NTNG1: variants seen among roughly 807,000 people sequenced by gnomAD.
NTNG1 encodes netrin G1.
Under a neutral mutation model 54.0 loss-of-function variants are expected in NTNG1, and 16 were observed. The observed-to-expected ratio is 0.30, with a 90% confidence interval of 0.20 to 0.45. The LOEUF (loss-of-function observed/expected upper bound fraction) is 0.45, where lower values mean the gene tolerates loss of function less well. NTNG1 is among the 20% of genes least tolerant of loss of function. NTNG1 has a pLI of 1.00. For synonymous variants in NTNG1, 255 were observed against 263.1 expected, an observed-to-expected ratio of 0.97 and a Z score of 0.30; for missense variants, 530 against 678.7, an observed-to-expected ratio of 0.78 and a Z score of 2.43.
At chr1:107,237,653 G>C (rs1661503148) in intron 2 of NTNG1, among the ~76,000 whole-genome samples, 1 of 152,166 alleles carries the variant, frequency 6.6e-6, no homozygotes, top group African/African-American at 2.4e-5. Flanking sequence ...TTGGTGCCCT[G>C]TGTTCCAGCT....
intron 2 of NTNG1, among the ~76,000 whole-genome samples, chr1:107,266,079 ATCT>A (rs758797166): frequency 2.3e-4 from 35 of 152,196 alleles, no homozygotes; most frequent in Non-Finnish European, 3.8e-4. Context: ...TTAATTGCTT[ATCT>A]TCTTCTTTTT....
rs556335032 is a variant in NTNG1 at position 107,154,929 on chromosome 1, A to T, written c.246+6090A>T. Among the ~76,000 whole-genome samples the T allele has an allele frequency of 2.6e-5, 4 of 152,218 alleles. No individual in the cohort carries two copies. In the South Asian group the frequency reaches 8.3e-4, roughly 32 times the overall value. On this transcript the variant is annotated intron_variant, in intron 2 of 7. Coordinates refer to ENST00000370068, the MANE Select transcript of NTNG1 (RefSeq NM_001113226.3). ...AGATTTAACCGAATGCAGAGATGCA[A>T]CATTTTTAAAGGTGAAACATGAGAC...
chr1:107,172,500 T>A (rs575355214), intron 2 of NTNG1, among the ~76,000 whole-genome samples: 1 of 152,076 alleles, frequency 6.6e-6, no homozygotes, highest in African/African-American at 2.4e-5. Flanking sequence ...TTAGCAAAAA[T>A]CTTGGCAGTC....
intron 2 of NTNG1, among the ~76,000 whole-genome samples, chr1:107,200,028 T>A (rs1658620936): frequency 1.3e-5 from 2 of 151,858 alleles, no homozygotes; most frequent in African/African-American, 4.8e-5. Context: ...CTCAATTTGT[T>A]AGAAGTACTA....
chr1:107,363,567 A>C (rs971184946), intron 3 of NTNG1, among the ~76,000 whole-genome samples: 15 of 152,212 alleles, frequency 9.9e-5, no homozygotes, highest in African/African-American at 2.7e-4. Context: ...CCCAATAAAA[A>C]AACCTGCTAA....
chr1:107,149,527 T>G (rs999930413), intron 2 of NTNG1, among the ~76,000 whole-genome samples: 2 of 152,198 alleles, frequency 1.3e-5, no homozygotes, highest in Non-Finnish European at 2.9e-5. Flanking sequence ...ATATACAAAT[T>G]CAGATACTTT....
chr1:107,364,847 G>C (rs577061760), intron 3 of NTNG1, among the ~76,000 whole-genome samples: 2 of 152,144 alleles, frequency 1.3e-5, no homozygotes, highest in East Asian at 3.9e-4. Context: ...GTCCCAATCC[G>C]TGTCTATCTC....
chr1:107,380,450 T>G (rs1033373795), intron 3 of NTNG1, among the ~76,000 whole-genome samples: 2 of 151,768 alleles, frequency 1.3e-5, no homozygotes, highest in African/African-American at 4.8e-5. Context: ...TAGGGATGAT[T>G]TTTTTCTTTA....
chr1:107,454,501 G>A (rs536936068), intron 7 of NTNG1, among the ~76,000 whole-genome samples: 3 of 151,742 alleles, frequency 2.0e-5, no homozygotes, highest in East Asian at 3.9e-4. Context: ...TCATTCCAAG[G>A]ATGCAAATGA....
At chr1:107,479,625 G>T (rs2101615058) in intron 7 of NTNG1, among the ~76,000 whole-genome samples, 1 of 152,256 alleles carries the variant, frequency 6.6e-6, no homozygotes, top group Middle Eastern at 3.4e-3. Flanking sequence ...TTTACTCTTT[G>T]TTGTTGTTTT....
In NTNG1 at chr1:107,480,935, A is replaced by T; in HGVS notation, c.*95A>T. The T allele has an allele frequency of 2.3e-6, 2 of 888,148 alleles. No homozygotes were observed. The highest frequency in any genetic ancestry group is 3.5e-6 in the Non-Finnish European group (2 of 570,298). 55.0% of individuals were successfully genotyped at this position (888,148 alleles called of 1,614,324 possible). ...TAACATAGGAAACACACACATACAG[A>T]CACCCCCACTCAGACAGTGTACAAA... On this transcript the variant is annotated 3_prime_UTR_variant, in exon 8 of 8. Coordinates refer to ENST00000370068, the MANE Select transcript of NTNG1 (RefSeq NM_001113226.3).
chr1:107,198,510 G>A (rs997879391), intron 2 of NTNG1, among the ~76,000 whole-genome samples: 3 of 151,886 alleles, frequency 2.0e-5, no homozygotes, highest in Non-Finnish European at 4.4e-5. Flanking sequence ...AGATTTTAAT[G>A]CCCATCTTTA....
intron 2 of NTNG1, among the ~76,000 whole-genome samples, chr1:107,304,866 C>G (rs1428201101): frequency 6.6e-6 from 1 of 151,988 alleles, no homozygotes; most frequent in African/African-American, 2.4e-5. Context: ...GGTATTTCTT[C>G]TAATGCTATC....
intron 2 of NTNG1, among the ~76,000 whole-genome samples, chr1:107,264,542 C>T (rs534029092): frequency 6.6e-6 from 1 of 152,244 alleles, no homozygotes; most frequent in South Asian, 2.1e-4. Context: ...ATAAATGCTC[C>T]TTGGATTTTT....
intron 2 of NTNG1, among the ~76,000 whole-genome samples, chr1:107,309,453 G>C (rs930874191): frequency 6.6e-6 from 1 of 152,118 alleles, no homozygotes; most frequent in Non-Finnish European, 1.5e-5. Context: ...TTCATATTTT[G>C]TTAAACAGAA....
chr1:107,196,614 C>A (rs1206776440), intron 2 of NTNG1, among the ~76,000 whole-genome samples: 2 of 151,866 alleles, frequency 1.3e-5, no homozygotes, highest in Non-Finnish European at 2.9e-5. Flanking sequence ...GCTTCAACTT[C>A]CTGTGAGGAG....
intron 2 of NTNG1, among the ~76,000 whole-genome samples, chr1:107,161,377 T>C (rs1391136582): frequency 1.3e-5 from 2 of 152,100 alleles, no homozygotes; most frequent in Non-Finnish European, 2.9e-5. Context: ...CCACAACTTA[T>C]AGGCCGGGTG....
chr1:107,403,016 C>T (rs1411771793), intron 4 of NTNG1, among the ~76,000 whole-genome samples: 1 of 152,144 alleles, frequency 6.6e-6, no homozygotes, highest in Non-Finnish European at 1.5e-5. Context: ...TAATCAGCTT[C>T]TGAAGAGGAG....
intron 7 of NTNG1, among the ~76,000 whole-genome samples, chr1:107,457,085 C>T (rs372311932): frequency 6.6e-6 from 1 of 152,198 alleles, no homozygotes; most frequent in Non-Finnish European, 1.5e-5. Flanking sequence ...AAATCTCAAA[C>T]CTCAGGCTTG....
Sources: allele counts gnomAD v4.1 joint callset (sites outside exome capture counted in the v4.1 genomes callset), GRCh38; gene constraint gnomAD v4.1.1; transcripts MANE v1.5; gene names NCBI Gene and HGNC (gene_info 2026-07-23, HGNC 2026-07-21).